CUX1: variants seen among roughly 807,000 people sequenced by gnomAD.
CUX1 encodes cut like homeobox 1.
CUX1 carries 31 observed loss-of-function variants against 158.8 expected under a neutral mutation model. That is an observed-to-expected ratio of 0.20 (90% CI 0.15 to 0.26). CUX1 has a LOEUF of 0.26. Ranked by LOEUF, CUX1 falls within the 10% of genes least tolerant of loss-of-function variation. The pLI is 1.00. For missense variants in CUX1, 1,589 were observed against 2,014.6 expected (o/e 0.79, Z 4.04); for synonymous variants, 879 against 862.1 (o/e 1.02, Z -0.34).
At chr7:102,111,896 C>CGGGAGCCCACGCTGAA in intron 7 of CUX1, 122 bp downstream of exon 7, 2 of 767,260 alleles carry the variant, frequency 2.6e-6, no homozygotes, top group Non-Finnish European at 4.3e-6. Flanking sequence ...TGGGAGCTGC[C>CGGGAGCCCACGCTGAA]GGGAGCCCAC....
Position 102,089,453 on chromosome 7 carries a change from T to C in CUX1, c.269-7911T>C, listed in dbSNP as rs546627441. Among the ~76,000 whole-genome samples, 48 of 152,350 alleles carry C rather than the reference T, an allele frequency of 3.2e-4. No individual in the cohort carries two copies. The South Asian group carries it at 9.3e-3, about 30-fold the overall frequency. On this transcript the variant is annotated intron_variant, in intron 4 of 23. Transcript: ENST00000292535. ...TTAAGTTACTTGCAGGTCAGTTTGATCATCCTGAGACTTGTTTGTAGCTTT... is the reference window on the plus strand; with the variant it reads ...TTAAGTTACTTGCAGGTCAGTTTGACCATCCTGAGACTTGTTTGTAGCTTT...
At chr7:101,859,798 TTCTCTCTC>T (rs138233286) in intron 1 of CUX1, among the ~76,000 whole-genome samples, 1 of 150,720 alleles carries the variant, frequency 6.6e-6, no homozygotes, top group South Asian at 2.1e-4. Flanking sequence ...AAGGTTGCTT[TTCTCTCTC>T]TCTCTCTCTC....
intron 11 of CUX1, among the ~76,000 whole-genome samples, chr7:102,186,579 A>G (rs1207140390): frequency 3.7e-5 from 4 of 108,724 alleles, no homozygotes; most frequent in African/African-American, 1.2e-4. Flanking sequence ...CCTAGATAGT[A>G]TATATATATA....
rs1554484602 is a variant in CUX1, at chr7:102,097,401, G to A, written c.306G>A (p.Gln102=). 1 of 1,612,700 alleles carries A rather than the reference G, an allele frequency of 6.2e-7. No individual in the cohort carries two copies. Among genetic ancestry groups the A allele is most frequent in the Non-Finnish European group, 8.5e-7 (1 of 1,179,704 alleles). ...CTTTGGATCTCGGACAGCAACTCCA[G>A]CTCAAAGTGCAGCGCCTGCACGATA... ...VPALDLGQQL[Q]LKVQRLHDIE... is the part of the protein sequence containing the mutation. The change falls in exon 5 of 24, where the codon CAG becomes CAA. Residue 102 remains glutamine, a synonymous_variant. Transcript: ENST00000292535.
At chr7:102,131,947 C>T (rs1429123417) in intron 8 of CUX1, among the ~76,000 whole-genome samples, 2 of 152,184 alleles carry the variant, frequency 1.3e-5, no homozygotes. Context: ...GCTGGGATTA[C>T]AGGCGTGAGC....
At chr7:102,043,022 C>G (rs1172588765) in intron 3 of CUX1, among the ~76,000 whole-genome samples, 9 of 152,176 alleles carry the variant, frequency 5.9e-5, no homozygotes, top group South Asian at 4.1e-4. Flanking sequence ...ACTCCAGCAG[C>G]ACAGTCTCAG....
intron 2 of CUX1, among the ~76,000 whole-genome samples, chr7:101,957,496 A>G (rs1809919609): frequency 1.3e-5 from 2 of 152,140 alleles, no homozygotes; most frequent in South Asian, 4.1e-4. Context: ...TGAGGCAGGC[A>G]GATCACCTGA....
chr7:102,078,334 C>T (rs1313666322), intron 4 of CUX1, among the ~76,000 whole-genome samples: 5 of 152,146 alleles, frequency 3.3e-5, no homozygotes, highest in Admixed American at 1.3e-4. Context: ...CCTCGGCCTC[C>T]CAAAGTGCTG....
chr7:102,105,247 G>A (rs1208839052), intron 6 of CUX1, among the ~76,000 whole-genome samples: 1 of 150,310 alleles, frequency 6.7e-6, no homozygotes, highest in Admixed American at 6.6e-5. Context: ...TTACACACAC[G>A]CGCACACACA....
At chr7:101,844,760 C>T (rs538278551) in intron 1 of CUX1, among the ~76,000 whole-genome samples, 32 of 152,152 alleles carry the variant, frequency 2.1e-4, no homozygotes, top group African/African-American at 7.2e-4. Context: ...GGATTACAGG[C>T]GCCTGCCCCC....
At chr7:101,929,140 C>T (rs1806001656) in intron 2 of CUX1, among the ~76,000 whole-genome samples, 1 of 152,026 alleles carries the variant, frequency 6.6e-6, no homozygotes, top group African/African-American at 2.4e-5. Flanking sequence ...CGTGCCACTG[C>T]ACTCCAGCCT....
chr7:101,848,340 G>A (rs1442525219), intron 1 of CUX1, among the ~76,000 whole-genome samples: 1 of 152,146 alleles, frequency 6.6e-6, no homozygotes, highest in African/African-American at 2.4e-5. Flanking sequence ...CTTCCTGGGT[G>A]TGAGCAGCTT....
At chr7:102,036,427 C>T (rs962437831) in intron 3 of CUX1, among the ~76,000 whole-genome samples, 4 of 152,052 alleles carry the variant, frequency 2.6e-5, no homozygotes, top group Non-Finnish European at 5.9e-5. Context: ...GATAAATAAA[C>T]CAAAGGAACA....
chr7:102,140,752 C>G (rs1006967973), intron 8 of CUX1, among the ~76,000 whole-genome samples: 1 of 151,676 alleles, frequency 6.6e-6, no homozygotes, highest in Non-Finnish European at 1.5e-5. Context: ...GTAATCCCAG[C>G]TATTGGGGAG....
intron 2 of CUX1, among the ~76,000 whole-genome samples, chr7:102,000,226 A>AAAG (rs778160930): frequency 0.051 from 7,642 of 150,614 alleles, 289 homozygotes; most frequent in Middle Eastern, 0.099. Context: ...CAAAAAAAAA[A>AAAG]AGAGAGAGAG....
chr7:101,830,070 G>T (rs1200270587), intron 1 of CUX1, among the ~76,000 whole-genome samples: 1 of 152,198 alleles, frequency 6.6e-6, no homozygotes, highest in African/African-American at 2.4e-5. Context: ...CCTCTGAGAT[G>T]CTGGGGCTAT....
intron 1 of CUX1, among the ~76,000 whole-genome samples, chr7:101,915,723 A>G (rs1256452211): frequency 6.6e-6 from 1 of 152,220 alleles, no homozygotes; most frequent in Non-Finnish European, 1.5e-5. Flanking sequence ...GCTGGCTGGA[A>G]GGAACCCTTG....
intron 1 of CUX1, among the ~76,000 whole-genome samples, chr7:101,905,576 G>A (rs749015789): frequency 3.9e-5 from 6 of 152,122 alleles, no homozygotes; most frequent in African/African-American, 9.7e-5. Context: ...TCCTAGACCC[G>A]GAACATCCTC....
intron 20 of CUX1, among the ~76,000 whole-genome samples, chr7:102,208,799 G>A (rs184192081): frequency 1.3e-5 from 2 of 152,318 alleles, no homozygotes; most frequent in African/African-American, 4.8e-5. Flanking sequence ...TCCATTGCTT[G>A]CCTCAAGTAG....
Sources: gnomAD v4.1 joint callset for allele counts (sites outside exome capture counted in the v4.1 genomes callset) on GRCh38, gnomAD v4.1.1 for gene constraint, MANE v1.5 for transcripts, NCBI Gene and HGNC (gene_info 2026-07-23, HGNC 2026-07-21) for gene names.